Variants in OSBPL9 observed in about 807,000 individuals in gnomAD.
The protein encoded by OSBPL9 is oxysterol binding protein like 9.
OSBPL9 carries 40 observed loss-of-function variants against 106.6 expected under a neutral mutation model. The ratio of observed to expected loss-of-function variants is 0.38; its 90% CI spans 0.29 to 0.49. The LOEUF is 0.49. OSBPL9 is among the 20% of genes least tolerant of loss of function. The pLI is 0.97. For missense variants in OSBPL9, 609 were observed against 887.2 expected, an observed-to-expected ratio of 0.69 and a Z score of 3.98; for synonymous variants, 269 against 295.4, an observed-to-expected ratio of 0.91 and a Z score of 0.92.
intron 9 of OSBPL9, among the ~76,000 whole-genome samples, chr1:51,758,154 A>G (rs752316598): frequency 2.6e-5 from 4 of 152,146 alleles, no homozygotes. Flanking sequence ...CTTTTAATAT[A>G]CATGTTGTCA....
At chr1:51,769,978 C>CT (rs941232375) in intron 12 of OSBPL9, among the ~76,000 whole-genome samples, 2 of 151,744 alleles carry the variant, frequency 1.3e-5, no homozygotes, top group African/African-American at 4.8e-5. Flanking sequence ...AACTTTCATG[C>CT]TTTTTTTTGA....
chr1:51,655,959 C>T lies in OSBPL9; in HGVS notation c.162+3918C>T, dbSNP rs542710299. Among the ~76,000 whole-genome samples the T allele has an allele frequency of 4.9e-4, 74 of 152,262 alleles. 1 individual carries two copies. The highest frequency in any genetic ancestry group is 5.1e-4 in the Non-Finnish European group (35 of 68,006). On this transcript the variant is annotated intron_variant, in intron 2 of 23. Transcript: ENST00000428468. ...TAGTATTTTCCAAAAATTAAACTGC[C>T]GAGGCTTTTAGTCAAGAAATATCTT...
chr1:51,619,529 GAAGT>G (rs1251634420), intron 1 of OSBPL9, among the ~76,000 whole-genome samples: 3 of 152,118 alleles, frequency 2.0e-5, no homozygotes, highest in Non-Finnish European at 4.4e-5. Flanking sequence ...CCAGAGGAAG[GAAGT>G]ATCATATTTC....
chr1:51,656,092 G>A (rs1646797207), intron 2 of OSBPL9, among the ~76,000 whole-genome samples: 2 of 152,196 alleles, frequency 1.3e-5, no homozygotes, highest in African/African-American at 2.4e-5. Context: ...TAATTATGTT[G>A]TGTAACCAAG....
intron 1 of OSBPL9, among the ~76,000 whole-genome samples, chr1:51,641,133 G>T (rs2148674583): frequency 6.6e-6 from 1 of 152,214 alleles, no homozygotes; most frequent in Non-Finnish European, 1.5e-5. Flanking sequence ...ATAGTTCTTA[G>T]TATGTTCTTA....
At chr1:51,672,322 T>C (rs1384680257) in intron 3 of OSBPL9, among the ~76,000 whole-genome samples, 1 of 152,214 alleles carries the variant, frequency 6.6e-6, no homozygotes, top group Non-Finnish European at 1.5e-5. Flanking sequence ...AGTGGTCGAA[T>C]TGTGTGCATG....
intron 14 of OSBPL9, among the ~76,000 whole-genome samples, chr1:51,776,516 AGGATTC>A (rs1220894692): frequency 6.6e-6 from 1 of 152,236 alleles, no homozygotes; most frequent in Non-Finnish European, 1.5e-5. Context: ...GAGGCATCAA[AGGATTC>A]CTCTGAGTGA....
At chr1:51,644,394 T>G (rs1646014775) in intron 1 of OSBPL9, among the ~76,000 whole-genome samples, 1 of 152,102 alleles carries the variant, frequency 6.6e-6, no homozygotes, top group African/African-American at 2.4e-5. Context: ...TGGCGCAATC[T>G]CGGCTCACTG....
the OSBPL9 span, among the ~76,000 whole-genome samples, chr1:51,553,629 G>T: frequency 2.0e-5 from 3 of 152,050 alleles, no homozygotes; most frequent in South Asian, 6.2e-4. Flanking sequence ...AGCATGAGAG[G>T]CCAGGAGTTT....
At chr1:51,743,242 A>G (rs554958424) in intron 4 of OSBPL9, among the ~76,000 whole-genome samples, 54 of 152,344 alleles carry the variant, frequency 3.5e-4, no homozygotes, top group African/African-American at 1.3e-3. Context: ...AGAAAAATGG[A>G]TTGATGAGTA....
chr1:51,574,487 C>T (rs377082334), upstream of OSBPL9, among the ~76,000 whole-genome samples: 13 of 152,228 alleles, frequency 8.5e-5, no homozygotes, highest in East Asian at 1.2e-3. Flanking sequence ...GGCGCGGTGG[C>T]GGATGCCTGT....
intron 1 of OSBPL9, among the ~76,000 whole-genome samples, chr1:51,597,423 ATGTGTGTGTGTGTGTG>A (rs71063046): frequency 2.1e-4 from 29 of 135,840 alleles, no homozygotes; most frequent in Non-Finnish European, 3.4e-4. Context: ...ATATATATAT[ATGTGTGTGTGTGTGTG>A]TGTGTGTGTG....
At chr1:51,702,458 G>A (rs1395197359) in intron 3 of OSBPL9, among the ~76,000 whole-genome samples, 3 of 152,186 alleles carry the variant, frequency 2.0e-5, no homozygotes, top group African/African-American at 7.2e-5. Flanking sequence ...TTTGAGAAGT[G>A]TCTGTTCATA....
At chr1:51,726,560 ATTTTCTTT>A (rs1663161462) in intron 4 of OSBPL9, among the ~76,000 whole-genome samples, 2 of 151,964 alleles carry the variant, frequency 1.3e-5, no homozygotes, top group South Asian at 4.1e-4. Flanking sequence ...TATAATTAAA[ATTTTCTTT>A]TCATCTTAAT....
At chr1:51,649,736 C>CTT (rs71578080) in intron 1 of OSBPL9, among the ~76,000 whole-genome samples, 970 of 96,910 alleles carry the variant, frequency 0.01, 16 homozygotes, top group African/African-American at 0.034. Flanking sequence ...ACATGTTAGT[C>CTT]TTTTTTTTTT....
intron 1 of OSBPL9, among the ~76,000 whole-genome samples, chr1:51,586,173 CA>C (rs1557576188): frequency 6.7e-6 from 1 of 150,126 alleles, no homozygotes; most frequent in Non-Finnish European, 1.5e-5. Flanking sequence ...GACTGTGTCT[CA>C]AAAAAATAAA....
intron 14 of OSBPL9, 145 bp from the exon 15 acceptor site, chr1:51,776,688 T>C: frequency 1.7e-6 from 1 of 590,630 alleles, no homozygotes; most frequent in Non-Finnish European, 3.0e-6. Context: ...AGAATTAGTT[T>C]TTGGAGCATG....
intron 1 of OSBPL9, among the ~76,000 whole-genome samples, chr1:51,626,685 T>C (rs998369630): frequency 6.6e-6 from 1 of 151,944 alleles, no homozygotes; most frequent in African/African-American, 2.4e-5. Context: ...AATTTTTGTT[T>C]TGCTTTTTTT....
At chr1:51,551,962 T>C in the OSBPL9 span, among the ~76,000 whole-genome samples, 3 of 141,676 alleles carry the variant, frequency 2.1e-5, no homozygotes, top group African/African-American at 8.0e-5. Context: ...GTAGGGTGAA[T>C]AGAAATGTGT....
Sources: gnomAD v4.1 joint callset for allele counts (sites outside exome capture counted in the v4.1 genomes callset) on GRCh38, gnomAD v4.1.1 for gene constraint, MANE v1.5 for transcripts, NCBI Gene and HGNC (gene_info 2026-07-23, HGNC 2026-07-21) for gene names.